The following VPS54 variants were observed in gnomAD, a reference collection of about 807,000 sequenced individuals.
The protein encoded by VPS54 is VPS54 subunit of GARP complex, also known as vacuolar protein sorting-associated protein 54.
A neutral mutation model predicts 121.5 loss-of-function variants in VPS54; 45 were observed. That is an observed-to-expected ratio of 0.37 (90% confidence interval 0.29 to 0.47). The LOEUF is 0.47. Among genes scored for constraint, VPS54 ranks in the 20% least tolerant of loss-of-function variants. VPS54 has a pLI of 0.99. For synonymous variants in VPS54, 371 were observed against 385.8 expected (o/e 0.96, Z 0.45); for missense variants, 1,090 against 1,131.4 (o/e 0.96, Z 0.52).
chr2:63,974,103 A>T (rs1167895040), intron 3 of VPS54, among the ~76,000 whole-genome samples: 1 of 152,188 alleles, frequency 6.6e-6, no homozygotes, highest in Admixed American at 6.5e-5. Flanking sequence ...AAGGTCTATC[A>T]TCAACTTTGA....
At position 63,893,001 on chromosome 2, in the gene VPS54, G is replaced by A. The variant is rs1224783975; in HGVS notation, c.*429C>T. On this transcript the variant is annotated 3_prime_UTR_variant, in exon 23 of 23. Coordinates refer to ENST00000272322, the MANE Select transcript of VPS54 (RefSeq NM_016516.3). ...TTCATAGAGAAAACTTTCTACAGAA[G>A]TTGACTAAGATTTTAAATTGTACCA... 6.5e-6 allele frequency: 1 copy of A among 154,854 alleles called. No homozygotes were observed. Among genetic ancestry groups the A allele is most frequent in the Non-Finnish European group, 1.4e-5 (1 of 69,626 alleles). The allele number at this position is 154,854 out of a possible 1,614,324, so 9.6% of individuals were successfully genotyped here.
At chr2:63,962,526 G>C in intron 6 of VPS54, 83 bp from the exon 7 acceptor site, 1 of 1,424,818 alleles carries the variant, frequency 7.0e-7, no homozygotes, top group Non-Finnish European at 9.3e-7. Context: ...AATGATAAAA[G>C]ATTTCTACAT....
At chr2:63,946,613 G>T (rs1243323226) in intron 9 of VPS54, among the ~76,000 whole-genome samples, 2 of 151,884 alleles carry the variant, frequency 1.3e-5, no homozygotes, top group Non-Finnish European at 2.9e-5. Context: ...AATCAATTAA[G>T]CCTAATAAAT....
At chr2:64,003,849 C>T (rs1677999829) in intron 1 of VPS54, among the ~76,000 whole-genome samples, 1 of 152,182 alleles carries the variant, frequency 6.6e-6, no homozygotes, top group African/African-American at 2.4e-5. Context: ...CAACCCCAAC[C>T]ACCAGCCAGA....
chr2:63,912,209 TAA>T, intron 20 of VPS54, 134 bp downstream of exon 20: 1 of 931,628 alleles, frequency 1.1e-6, no homozygotes, highest in South Asian at 1.9e-5. Flanking sequence ...AAAAAAAATT[TAA>T]AATTCTACTA....
intron 12 of VPS54, among the ~76,000 whole-genome samples, chr2:63,928,369 A>G (rs1674015303): frequency 6.6e-6 from 1 of 152,198 alleles, no homozygotes; most frequent in Admixed American, 6.5e-5. Context: ...CAACATTCTT[A>G]AAGAATTTTC....
chr2:64,015,935 C>G, intron 1 of VPS54, among the ~76,000 whole-genome samples: 1 of 152,172 alleles, frequency 6.6e-6, no homozygotes, highest in East Asian at 1.9e-4. Flanking sequence ...TTTCTCAGCT[C>G]TGCTAGCAAA....
intron 3 of VPS54, among the ~76,000 whole-genome samples, chr2:63,979,945 A>G (rs1306278880): frequency 1.3e-5 from 2 of 152,318 alleles, no homozygotes; most frequent in South Asian, 4.1e-4. Flanking sequence ...AAAAAAGTAT[A>G]TTCTTCTATG....
intron 12 of VPS54, among the ~76,000 whole-genome samples, chr2:63,921,872 C>A (rs1673662837): frequency 6.6e-6 from 1 of 152,226 alleles, no homozygotes; most frequent in Non-Finnish European, 1.5e-5. Flanking sequence ...ATTGGAAAGT[C>A]TGCAGAAACT....
At chr2:63,966,092 T>TA (rs982897500) in intron 5 of VPS54, 126 bp from the exon 6 acceptor site, 3 of 943,742 alleles carry the variant, frequency 3.2e-6, no homozygotes, top group Admixed American at 5.5e-5. Flanking sequence ...AAGCAAGTGA[T>TA]AACAGTTGAG....
chr2:63,902,732 G>A (rs1672734928), intron 20 of VPS54, among the ~76,000 whole-genome samples: 1 of 152,172 alleles, frequency 6.6e-6, no homozygotes, highest in Admixed American at 6.5e-5. Flanking sequence ...ACTTTGGGAG[G>A]CTGAGGCGGG....
intron 1 of VPS54, among the ~76,000 whole-genome samples, chr2:64,001,866 A>G (rs61486417): frequency 0.072 from 11,018 of 151,984 alleles, 839 homozygotes; most frequent in African/African-American, 0.19. Flanking sequence ...AGGTGTTCCA[A>G]TTGATGTCTT....
intron 21 of VPS54, among the ~76,000 whole-genome samples, 164 bp from the exon 22 acceptor site, chr2:63,897,754 T>C (rs1422094120): frequency 1.3e-5 from 2 of 152,288 alleles, no homozygotes; most frequent in African/African-American, 4.8e-5. Context: ...TTTCACTACA[T>C]TTTTTCTCCT....
At chr2:63,961,264 A>C (rs566962949) in intron 7 of VPS54, among the ~76,000 whole-genome samples, 6 of 152,346 alleles carry the variant, frequency 3.9e-5, no homozygotes, top group African/African-American at 1.4e-4. Flanking sequence ...ATTTGGTTTC[A>C]GCTTTAAAAA....
chr2:63,966,304 C>A (rs556962282), intron 5 of VPS54, among the ~76,000 whole-genome samples: 1 of 152,318 alleles, frequency 6.6e-6, no homozygotes, highest in Admixed American at 6.5e-5. Flanking sequence ...CATTATTTCC[C>A]ACTGATAGTT....
intron 1 of VPS54, among the ~76,000 whole-genome samples, chr2:64,017,108 G>A (rs1214532265): frequency 7.3e-5 from 11 of 150,384 alleles, no homozygotes; most frequent in African/African-American, 1.2e-4. Context: ...CTGGGAGGCC[G>A]AGGCCGGTGG....
At chr2:63,903,005 CAACATAACAT>C (rs1242537012) in intron 20 of VPS54, among the ~76,000 whole-genome samples, 1 of 92,568 alleles carries the variant, frequency 1.1e-5, no homozygotes, top group East Asian at 2.3e-4. Context: ...TAACATAACA[CAACATAACAT>C]AACAAAAATA....
intron 22 of VPS54, 66 bp downstream of exon 22, chr2:63,897,427 AAAT>A (rs1352106780): frequency 3.2e-5 from 36 of 1,128,268 alleles, no homozygotes; most frequent in Non-Finnish European, 4.4e-5. Context: ...AGGATGGCAC[AAAT>A]AATCAAAACT....
Position 63,944,609 on chromosome 2 carries a change from A to G in VPS54, c.1292T>C (p.Val431Ala). 6.2e-7 allele frequency: 1 copy of G among 1,610,054 alleles called. No homozygotes were observed. The highest frequency in any genetic ancestry group is 8.5e-7 in the Non-Finnish European group (1 of 1,178,234). Residue 431 changes from valine to alanine, a missense_variant, in exon 10 of 23, where the codon GTT (valine) becomes GCT (alanine). By Grantham distance (64) the Val-to-Ala change is moderately conservative. Transcript: ENST00000272322. Reference protein sequence around the residue: ...VSQTEEIDTDVVVKLADQMRM... With the variant: ...VSQTEEIDTDAVVKLADQMRM... ...ATATATTTATACTTACTTCACAACA[A>G]CATCTGTGTCTATTTCTTCTGTTTG...
Sources: allele counts gnomAD v4.1 joint callset (sites outside exome capture counted in the v4.1 genomes callset), GRCh38; gene constraint gnomAD v4.1.1; transcripts MANE v1.5; gene names NCBI Gene and HGNC (gene_info 2026-07-23, HGNC 2026-07-21).